Variants in SLC14A2 observed in about 807,000 individuals in gnomAD.
The protein encoded by SLC14A2 is solute carrier family 14 member 2, also known as urea transporter 2.
A neutral mutation model predicts 104.6 loss-of-function variants in SLC14A2; 91 were observed. That is an observed-to-expected ratio of 0.87 (90% CI 0.73 to 1.04). SLC14A2 has a LOEUF of 1.04. SLC14A2 is among the 50% of genes least tolerant of loss of function. The probability of loss-of-function intolerance (pLI) is 0.00; values close to 1 mark genes in which losing one functional copy is unlikely to be tolerated. For synonymous variants in SLC14A2, 476 were observed against 466.4 expected, an observed-to-expected ratio of 1.02 and a Z score of -0.27; for missense variants, 1,189 against 1,156.0, an observed-to-expected ratio of 1.03 and a Z score of -0.41.
At chr18:45,515,255 G>T (rs550462004) in intron 2 of SLC14A2, among the ~76,000 whole-genome samples, 4 of 152,304 alleles carry the variant, frequency 2.6e-5, no homozygotes, top group South Asian at 2.1e-4. Flanking sequence ...TAAAGTAACT[G>T]CTTTGTCATA....
chr18:45,388,180 A>G (rs1486808041), intron 1 of SLC14A2, among the ~76,000 whole-genome samples: 1 of 138,766 alleles, frequency 7.2e-6, no homozygotes, highest in Non-Finnish European at 1.5e-5. Context: ...GGTTCACGCC[A>G]TTCTCCTGCC....
At position 45,392,199 on chromosome 18, in the gene SLC14A2, C is replaced by T. The variant is rs78649348; in HGVS notation, c.-124-91034C>T. ...TGAAAGACACTCAAACTACCCAAGG[C>T]CACTGTGGCCCCCCAGAGAACCTCA... On this transcript the variant is annotated intron_variant, in intron 1 of 20. Coordinates refer to the SLC14A2 transcript ENST00000586448. Among the ~76,000 whole-genome samples, 215 of 152,306 alleles carry T rather than the reference C, an allele frequency of 1.4e-3. 1 individual carries two copies. Among genetic ancestry groups the T allele is most frequent in the African/African-American group, 4.9e-3 (203 of 41,548 alleles).
upstream of SLC14A2, among the ~76,000 whole-genome samples, chr18:45,210,159 T>A (rs1337001728): frequency 6.6e-6 from 1 of 152,154 alleles, no homozygotes; most frequent in East Asian, 1.9e-4. Context: ...GACAGAAACA[T>A]CCAGGATAGA....
chr18:45,477,578 C>T (rs1039329120), intron 1 of SLC14A2, among the ~76,000 whole-genome samples: 3 of 152,156 alleles, frequency 2.0e-5, no homozygotes, highest in South Asian at 2.1e-4. Flanking sequence ...TGAAGCTGCA[C>T]CCACAGCCAC....
At chr18:45,329,327 G>A (rs1053751009) in intron 1 of SLC14A2, among the ~76,000 whole-genome samples, 51 of 152,160 alleles carry the variant, frequency 3.4e-4, no homozygotes, top group Non-Finnish European at 7.3e-5. Flanking sequence ...AACTTGGGGA[G>A]CCTTAGGGAT....
chr18:45,662,525 C>G (rs1160281842), intron 10 of SLC14A2, among the ~76,000 whole-genome samples: 2 of 152,146 alleles, frequency 1.3e-5, no homozygotes, highest in Admixed American at 1.3e-4. Flanking sequence ...GCCTGAGATT[C>G]TGAATTCCAA....
chr18:45,355,600 A>T (rs2085545756), intron 1 of SLC14A2, among the ~76,000 whole-genome samples: 1 of 148,814 alleles, frequency 6.7e-6, no homozygotes. Context: ...AAAAAAAAAA[A>T]CCCTGATTTT....
chr18:45,397,449 T>C (rs912123778), intron 1 of SLC14A2, among the ~76,000 whole-genome samples: 3 of 152,198 alleles, frequency 2.0e-5, no homozygotes, highest in Admixed American at 2.0e-4. Flanking sequence ...GTTTGTTGGC[T>C]GAATGTATGT....
intron 1 of SLC14A2, among the ~76,000 whole-genome samples, chr18:45,313,912 A>T (rs1232910943): frequency 6.6e-6 from 1 of 152,140 alleles, no homozygotes; most frequent in South Asian, 2.1e-4. Flanking sequence ...TATTGTTGAA[A>T]ATCTAAGAGG....
chr18:45,231,528 T>C (rs1005205291), intron 1 of SLC14A2, among the ~76,000 whole-genome samples: 5 of 152,222 alleles, frequency 3.3e-5, no homozygotes, highest in Admixed American at 6.5e-5. Context: ...ATCTTGATGA[T>C]TAAGCTAGTG....
intron 1 of SLC14A2, among the ~76,000 whole-genome samples, chr18:45,415,485 C>G (rs1317902257): frequency 6.6e-6 from 1 of 152,094 alleles, no homozygotes; most frequent in East Asian, 1.9e-4. Context: ...TAATTTGAAC[C>G]AGGCCATTAT....
chr18:45,643,282 T>C, intron 9 of SLC14A2, 101 bp downstream of exon 9: 1 of 1,008,728 alleles, frequency 9.9e-7, no homozygotes, highest in Non-Finnish European at 1.6e-6. Flanking sequence ...GAGCGGGTAA[T>C]GGTAGCTGGT....
intron 18 of SLC14A2, 113 bp from the exon 19 acceptor site, chr18:45,678,862 T>C (rs1202821448): frequency 2.0e-6 from 2 of 995,090 alleles, no homozygotes; most frequent in Non-Finnish European, 2.9e-6. Flanking sequence ...TTAAAAAATC[T>C]TAGAGATAGC....
chr18:45,478,850 A>G (rs934975261), intron 1 of SLC14A2, among the ~76,000 whole-genome samples: 1 of 152,076 alleles, frequency 6.6e-6, no homozygotes, highest in Non-Finnish European at 1.5e-5. Context: ...CTGCCTTCCC[A>G]ACAGACAAGC....
chr18:45,225,484 T>C (rs1204216250), intron 1 of SLC14A2, among the ~76,000 whole-genome samples: 3 of 152,212 alleles, frequency 2.0e-5, no homozygotes, highest in Non-Finnish European at 4.4e-5. Context: ...GGCTCATTTT[T>C]GGTTCCATAT....
intron 1 of SLC14A2, among the ~76,000 whole-genome samples, chr18:45,240,655 T>G (rs2084305790): frequency 6.8e-6 from 1 of 146,256 alleles, no homozygotes; most frequent in South Asian, 2.1e-4. Context: ...TTTTTGTTTT[T>G]GTTTTTGGTT....
intron 2 of SLC14A2, among the ~76,000 whole-genome samples, chr18:45,568,950 G>T (rs1448963892): frequency 6.6e-6 from 1 of 152,182 alleles, no homozygotes; most frequent in African/African-American, 2.4e-5. Context: ...TAAAAGAAGA[G>T]GAATGTATTG....
At chr18:45,327,778 G>A (rs558949653) in intron 1 of SLC14A2, among the ~76,000 whole-genome samples, 3 of 152,224 alleles carry the variant, frequency 2.0e-5, no homozygotes, top group African/African-American at 7.2e-5. Context: ...ACTAGGCCAG[G>A]CACTTTTATT....
At chr18:45,607,408 G>A (rs4890554) in intron 2 of SLC14A2, among the ~76,000 whole-genome samples, 103,471 of 152,018 alleles carry the variant, frequency 0.68, 35,728 homozygotes, top group East Asian at 0.85. Flanking sequence ...ATTCTACATG[G>A]TTGCTAGGAA....
Sources: gnomAD v4.1 joint callset for allele counts (sites outside exome capture counted in the v4.1 genomes callset) on GRCh38, gnomAD v4.1.1 for gene constraint, MANE v1.5 for transcripts, NCBI Gene and HGNC (gene_info 2026-07-23, HGNC 2026-07-21) for gene names.